TTN: variants seen among roughly 807,000 people sequenced by gnomAD.
The protein encoded by TTN is titin.
A neutral mutation model predicts 3,223.0 loss-of-function variants in TTN; 1,525 were observed. That is an observed-to-expected ratio of 0.47 (90% CI 0.45 to 0.49). TTN has a LOEUF of 0.49. TTN is among the 20% of genes least tolerant of loss of function. TTN has a pLI of 0.00. For synonymous variants in TTN, 14,094 were observed against 15,161.0 expected (o/e 0.93, Z 5.17); for missense variants, 40,786 against 43,424.0 (o/e 0.94, Z 5.40).
rs141687561 is a variant in TTN at position 178,731,592 on chromosome 2, A to T, written c.17183-9T>A. On this transcript the variant is annotated splice_polypyrimidine_tract_variant and intron_variant, in intron 58 of 362. Transcript: ENST00000589042. Reference sequence around the variant, plus strand: ...TATGAAGGATGGGGGTTCTAACAGAAGAATGAATTCTCAATCAATATTATC... The same window carrying T: ...TATGAAGGATGGGGGTTCTAACAGATGAATGAATTCTCAATCAATATTATC... The T allele has an allele frequency of 6.3e-7, 1 of 1,585,292 alleles. No homozygotes were observed. Among genetic ancestry groups the T allele is most frequent in the Non-Finnish European group, 8.6e-7 (1 of 1,165,896 alleles).
intron 42 of TTN, 112 bp downstream of exon 42, chr2:178,764,415 G>T: frequency 6.2e-7 from 1 of 1,609,788 alleles, no homozygotes; most frequent in Non-Finnish European, 8.5e-7. Context: ...TTCAAAGTTG[G>T]GTAGCAATCT....
chr2:178,602,622 A>G, intron 282 of TTN, 32 bp from the exon 283 acceptor site: 1 of 1,454,102 alleles, frequency 6.9e-7, no homozygotes, highest in South Asian at 1.5e-5. Flanking sequence ...AAGCTTCATC[A>G]GATTTTGAAG....
rs1305259914 is a variant in TTN, at chr2:178,570,576, C to A, written c.75556G>T (p.Ala25186Ser). ...GATCTTTCTCCTGCAACATTTTTGG[C>A]CTTCAGTATGTAATTTCCACTGTCG... ...RVDSGNYILK[A>S]KNVAGERSVT... Residue 25186 changes from alanine (A) to serine (S), a missense_variant, in exon 326 of 363, where the codon GCC (alanine) becomes TCC (serine). Ala to Ser is a moderately conservative substitution (Grantham distance 99, BLOSUM62 1). Transcript: ENST00000589042. The A allele has an allele frequency of 3.1e-6, 5 of 1,613,334 alleles. No individual in the cohort carries two copies. The highest frequency in any genetic ancestry group is 4.2e-6 in the Non-Finnish European group (5 of 1,179,596).
chr2:178,678,351 T>G (rs111392332), intron 144 of TTN, 63 bp downstream of exon 144: 2 of 1,500,290 alleles, frequency 1.3e-6, no homozygotes, highest in African/African-American at 1.4e-5. Context: ...GGGAAATTTG[T>G]ATGTGAGTAT....
intron 318 of TTN, 32 bp downstream of exon 318, chr2:178,579,907 C>T (rs1245329129): frequency 1.9e-6 from 3 of 1,612,300 alleles, no homozygotes; most frequent in East Asian, 2.2e-5. Flanking sequence ...GGATATAACT[C>T]AAAATGATGG....
At position 178,734,311 on chromosome 2, in the gene TTN, G is replaced by A. The variant is rs772323497; in HGVS notation, c.15496+17C>T. On this transcript the variant is annotated intron_variant, in intron 52 of 362. Coordinates refer to ENST00000589042, the MANE Select transcript of TTN (RefSeq NM_001267550.2). ...TTGACAATTTATTAAAGAGACATTA[G>A]TTTTTCAAGCACTAACCTTTGAGTA... 3.2e-6 allele frequency: 5 copies of A among 1,547,492 alleles called. No individual in the cohort carries two copies. Among genetic ancestry groups the A allele is most frequent in the Non-Finnish European group, 4.3e-6 (5 of 1,150,378 alleles).
rs955172279 is a variant in TTN at position 178,545,906 on chromosome 2, T to G, written c.95330A>C (p.Glu31777Ala). 3.7e-6 allele frequency: 6 copies of G among 1,613,786 alleles called. No homozygotes were observed. Among genetic ancestry groups the G allele is most frequent in the South Asian group, 1.1e-5 (1 of 91,088 alleles). Reference protein sequence around the residue: ...YVVTRLIKNNEYIFRVRAVNK... With the variant: ...YVVTRLIKNNAYIFRVRAVNK... ...TACTGCCCTCACTCGGAATATGTAC[T>G]CATTGTTCTTGATGAGCCTGGTAAC... The change falls in exon 343 of 363, where the codon GAG (glutamate) becomes GCG (alanine). Residue 31777 changes from glutamate (E) to alanine (A), a missense_variant. Coordinates refer to ENST00000589042, the MANE Select transcript of TTN (RefSeq NM_001267550.2).
chr2:178,692,208 G>T, intron 120 of TTN, 109 bp from the exon 121 acceptor site: 1 of 1,086,354 alleles, frequency 9.2e-7, no homozygotes, highest in Non-Finnish European at 1.4e-6. Context: ...GAATTAGGAA[G>T]TAATTTAAAT....
Position 178,565,801 on chromosome 2 carries a change from A to G in TTN, c.80331T>C (p.Ala26777=), listed in dbSNP as rs776246107. 1 of 1,613,648 alleles carries G rather than the reference A, an allele frequency of 6.2e-7. No individual in the cohort carries two copies. The highest frequency in any genetic ancestry group is 8.5e-7 in the Non-Finnish European group (1 of 1,179,660). The part of the protein sequence containing the change: ...VPVETVDAVK[A]AEPPSPPGKV... Reference sequence around the variant, plus strand: ...TTCCTGGTGGGGAAGGAGGTTCAGCAGCTTTCACGGCATCAACAGTTTCCA... The same window carrying G: ...TTCCTGGTGGGGAAGGAGGTTCAGCGGCTTTCACGGCATCAACAGTTTCCA... Residue 26777 remains alanine (A), a synonymous_variant, in exon 326 of 363, where the codon GCT becomes GCC. Coordinates refer to ENST00000589042, the MANE Select transcript of TTN (RefSeq NM_001267550.2).
chr2:178,548,707 A>T lies in TTN; in HGVS notation c.92919T>A (p.His30973Gln). The change falls in exon 339 of 363, where the codon CAT (histidine) becomes CAA (glutamine). Residue 30973 changes from histidine (H) to glutamine (Q), a missense_variant. Coordinates refer to ENST00000589042, the MANE Select transcript of TTN (RefSeq NM_001267550.2). The surrounding 1 kb of genome is among the most constrained non-coding windows in gnomAD (Gnocchi z 4.3). ...TGAGGGTGCTGAAGGAATCTGTTGT[A>T]TGGATATCAGCCCGAAGGCTAAGGT... ...DSNLSLRADI[H>Q]TTDSFSTLTV... 1 of 1,613,858 alleles carries T rather than the reference A, an allele frequency of 6.2e-7. No individual in the cohort carries two copies. Among genetic ancestry groups the T allele is most frequent in the Non-Finnish European group, 8.5e-7 (1 of 1,179,804 alleles).
intron 47 of TTN, chr2:178,750,292 T>C (rs2085070213): frequency 6.2e-7 from 1 of 1,613,294 alleles, no homozygotes; most frequent in Non-Finnish European, 8.5e-7. Flanking sequence ...CATGTTTTTG[T>C]TTTGCTTTCA....
chr2:178,591,418 T>A lies in TTN; in HGVS notation c.60307A>T (p.Arg20103Ter), dbSNP rs1553644307. 3.1e-6 allele frequency: 5 copies of A among 1,608,860 alleles called. No individual in the cohort carries two copies. The highest frequency in any genetic ancestry group is 4.2e-6 in the Non-Finnish European group (5 of 1,177,588). ...TTTGCAGTAGGAACAGGCACACCTC[T>A]TATAATAGCAGGGAATCTGACTGTG... ...GTTVRFPAIIRGVPVPTAKWT... is the reference protein window; with the variant it reads ...GTTVRFPAII Residue 20103 changes from arginine (R) to a stop codon, truncating the protein, a stop_gained, in exon 304 of 363, where the codon AGA becomes TGA. Coordinates refer to ENST00000589042, the MANE Select transcript of TTN (RefSeq NM_001267550.2). LOFTEE classifies it high-confidence loss of function.
chr2:178,760,013 G>C (rs1412012434), intron 43 of TTN, among the ~76,000 whole-genome samples: 1 of 152,180 alleles, frequency 6.6e-6, no homozygotes, highest in Non-Finnish European at 1.5e-5. Flanking sequence ...CAAAATCAAA[G>C]CCATCTTGTT....
At position 178,774,471 on chromosome 2, in the gene TTN, CACCTG is replaced by C; in HGVS notation, c.6791-3_6792del. The C allele has an allele frequency of 6.2e-7, 1 of 1,612,184 alleles. No homozygotes were observed. The highest frequency in any genetic ancestry group is 1.1e-5 in the South Asian group (1 of 91,058). On this transcript the variant is annotated splice_acceptor_variant and splice_polypyrimidine_tract_variant and coding_sequence_variant and intron_variant, in exon 30 of 363. Transcript: ENST00000589042. LOFTEE classifies it high-confidence loss of function. ...AGTTCTTTCACAAACTCAACAACTG[CACCTG>C]AAGTGTATAACAGAAAGATAAATCA...
rs749462228 is a variant in TTN, at chr2:178,721,161, C to A, written c.22858G>T (p.Ala7620Ser). The A allele has an allele frequency of 6.2e-7, 1 of 1,607,890 alleles. No homozygotes were observed. Among genetic ancestry groups the A allele is most frequent in the Non-Finnish European group, 8.5e-7 (1 of 1,175,496 alleles). ...FVKKLEASKV[A>S]KQGESIQLEC... ...AGTTGAATGGATTCTCCCTGCTTTG[C>A]AACTTTTGAAGCTTCTAATTTCTTA... is the stretch of plus-strand genomic sequence containing the variant. The change falls in exon 79 of 363, where the codon GCA (alanine) becomes TCA (serine). Residue 7620 changes from alanine to serine, a missense_variant. Coordinates refer to ENST00000589042, the MANE Select transcript of TTN (RefSeq NM_001267550.2).
In TTN at chr2:178,547,890, TG is replaced by T; in HGVS notation, c.93735del (p.Val31247Ter). ...ATTTCTTCCAGTTTCCATGTTACTT[TG>T]GGGGCAGGACGACCACTGATTGGTA... ...IDVPISGRPA[P>X]KVTWKLEEMR... On this transcript the variant is annotated frameshift_variant, in exon 339 of 363. Coordinates refer to ENST00000589042, the MANE Select transcript of TTN (RefSeq NM_001267550.2). LOFTEE classifies it high-confidence loss of function. The T allele has an allele frequency of 6.2e-7, 1 of 1,613,836 alleles. No individual in the cohort carries two copies. The highest frequency in any genetic ancestry group is 8.5e-7 in the Non-Finnish European group (1 of 1,179,824).
At position 178,537,026 on chromosome 2, in the gene TTN, GC is replaced by G; in HGVS notation, c.100082del (p.Gly33361AlafsTer18). The G allele has an allele frequency of 6.2e-7, 1 of 1,613,274 alleles. No homozygotes were observed. The highest frequency in any genetic ancestry group is 8.5e-7 in the Non-Finnish European group (1 of 1,179,558). ...CRIVNLTENA[G>X]YYFRVSAQNT... ...TCTGAGCTGAAACCCGGAAGTAATA[GC>G]CAGCATTTTCTGTGAGGTTCACAAT... On this transcript the variant is annotated frameshift_variant, in exon 356 of 363. Transcript: ENST00000589042. LOFTEE classifies it high-confidence loss of function.
Position 178,734,317 on chromosome 2 carries a change from C to A in TTN, c.15496+11G>T, listed in dbSNP as rs779819985. ...ATTTATTAAAGAGACATTAGTTTTT[C>A]AAGCACTAACCTTTGAGTAAGTGGG... On this transcript the variant is annotated intron_variant, in intron 52 of 362. Coordinates refer to ENST00000589042, the MANE Select transcript of TTN (RefSeq NM_001267550.2). 4 of 1,553,490 alleles carry A rather than the reference C, an allele frequency of 2.6e-6. No individual in the cohort carries two copies. Among genetic ancestry groups the A allele is most frequent in the Non-Finnish European group, 3.5e-6 (4 of 1,152,724 alleles).
chr2:178,799,944 G>A, intron 4 of TTN, 34 bp from the exon 5 acceptor site: 1 of 1,602,938 alleles, frequency 6.2e-7, no homozygotes, highest in South Asian at 1.1e-5. Context: ...TTTGGGAGGG[G>A]GCACAATGAC....
Sources: allele counts gnomAD v4.1 joint callset (sites outside exome capture counted in the v4.1 genomes callset), GRCh38; gene constraint gnomAD v4.1.1; non-coding constraint Gnocchi (gnomAD v3.1); transcripts MANE v1.5; gene names NCBI Gene and HGNC (gene_info 2026-07-23, HGNC 2026-07-21).